Variants in FOXP2 observed in about 807,000 individuals in gnomAD.
FOXP2 encodes the protein forkhead box protein P2.
FOXP2 carries 12 observed loss-of-function variants against 115.8 expected under a neutral mutation model. The ratio of observed to expected loss-of-function variants is 0.10; its 90% CI spans 0.07 to 0.17. FOXP2 has a LOEUF of 0.17. FOXP2 is among the 10% of genes least tolerant of loss of function. FOXP2 has a pLI of 1.00. For synonymous variants in FOXP2, 328 were observed against 297.7 expected (o/e 1.10, Z -1.05); for missense variants, 629 against 843.5 (o/e 0.75, Z 3.15).
upstream of FOXP2, among the ~76,000 whole-genome samples, chr7:114,412,185 A>G (rs147850456): frequency 2.4e-3 from 367 of 152,252 alleles, 1 homozygote; most frequent in African/African-American, 8.5e-3. Context: ...TAAAATTACT[A>G]TGATTATTTT....
At chr7:114,263,594 C>CACAGTG (rs1795816302) in intron 1 of FOXP2, among the ~76,000 whole-genome samples, 4 of 151,746 alleles carry the variant, frequency 2.6e-5, no homozygotes, top group Admixed American at 2.6e-4. Context: ...GCTGGGATTA[C>CACAGTG]AGGCGTGAGC....
intron 1 of FOXP2, among the ~76,000 whole-genome samples, chr7:114,418,728 C>T (rs910131020): frequency 3.3e-5 from 5 of 150,598 alleles, no homozygotes; most frequent in African/African-American, 7.3e-5. Flanking sequence ...GAGAACCTGT[C>T]GATCGCAAAG....
intron 2 of FOXP2, among the ~76,000 whole-genome samples, chr7:114,482,720 A>G (rs1229923388): frequency 6.6e-6 from 1 of 151,588 alleles, no homozygotes; most frequent in African/African-American, 2.4e-5. Context: ...CTCAATTTGG[A>G]ACATAAGCTT....
At chr7:114,187,583 A>G (rs1793645239) in intron 1 of FOXP2, among the ~76,000 whole-genome samples, 1 of 152,166 alleles carries the variant, frequency 6.6e-6, no homozygotes, top group Admixed American at 6.6e-5. Context: ...ATTGCCCTTA[A>G]TGCTTTATTC....
At chr7:114,114,217 A>G (rs1286609525) in intron 1 of FOXP2, among the ~76,000 whole-genome samples, 5 of 151,336 alleles carry the variant, frequency 3.3e-5, no homozygotes, top group Non-Finnish European at 5.9e-5. Context: ...GTCCATTTTG[A>G]AAAAGAAGAA....
At chr7:114,538,768 C>T (rs1562985152) in intron 3 of FOXP2, among the ~76,000 whole-genome samples, 1 of 151,614 alleles carries the variant, frequency 6.6e-6, no homozygotes, top group Non-Finnish European at 1.5e-5. Flanking sequence ...TGGATATTAG[C>T]TTATGAAGTA....
intron 3 of FOXP2, among the ~76,000 whole-genome samples, chr7:114,598,304 A>G (rs1802833714): frequency 6.6e-6 from 1 of 151,990 alleles, no homozygotes; most frequent in South Asian, 2.1e-4. Context: ...AGATATGTCT[A>G]TAGGTGAGGA....
At chr7:114,471,490 T>G (rs1477255673) in intron 2 of FOXP2, among the ~76,000 whole-genome samples, 1 of 152,198 alleles carries the variant, frequency 6.6e-6, no homozygotes, top group Non-Finnish European at 1.5e-5. Flanking sequence ...TTTCTTAACT[T>G]ACACTATTTT....
Position 114,658,232 on chromosome 7 carries a change from G to A in FOXP2, c.1433G>A (p.Arg478Gln), listed in dbSNP as rs1806693515. The A allele has an allele frequency of 3.1e-6, 5 of 1,613,752 alleles. No individual in the cohort carries two copies. The highest frequency in any genetic ancestry group is 1.3e-5 in the African/African-American group (1 of 74,990). Residue 478 changes from arginine (R) to glutamine (Q), a missense_variant, in exon 11 of 17, where the codon CGA becomes CAA. Physicochemically the swap from Arg to Gln is conservative, Grantham distance 43. Transcript: ENST00000350908. ...CCCAATGTGGGAGCCATACGAAGGC[G>A]ACATTCAGACAAATACAACATTCCC... ...SVPNVGAIRR[R>Q]HSDKYNIPMS...
intron 2 of FOXP2, among the ~76,000 whole-genome samples, chr7:114,373,500 C>T (rs576978859): frequency 1.3e-5 from 2 of 152,328 alleles, no homozygotes; most frequent in South Asian, 4.1e-4. Flanking sequence ...CTCTTTCTGT[C>T]ATTGCCTCCC....
In FOXP2 at chr7:114,587,879, A is replaced by ATATATATATATATATATATAT; in HGVS notation, c.259-40661_259-40660insTATATATATATATATATATAT. The stretch of plus-strand genomic sequence containing the variant: ...CTAATTGGGTGAATAAGAGATAATT[A>ATATATATATATATATATATAT]AATCCACCTTTCTTAGTGCCTTATT... On this transcript the variant is annotated intron_variant, in intron 3 of 16. Coordinates refer to ENST00000350908, the MANE Select transcript of FOXP2 (RefSeq NM_014491.4). Among the ~76,000 whole-genome samples, 64 of 76,550 alleles carry ATATATATATATATATATATAT rather than the reference A, an allele frequency of 8.4e-4. 3 individuals are homozygous for ATATATATATATATATATATAT. The highest frequency in any genetic ancestry group is 1.3e-3 in the Non-Finnish European group (45 of 33,662). 50.2% of individuals were successfully genotyped at this position (76,550 alleles called of 152,430 possible).
intron 2 of FOXP2, among the ~76,000 whole-genome samples, chr7:114,346,369 G>T (rs1791348187): frequency 6.6e-6 from 1 of 151,650 alleles, no homozygotes; most frequent in Non-Finnish European, 1.5e-5. Flanking sequence ...TGGATGAATG[G>T]ATAAAATAAA....
At chr7:114,527,075 T>A (rs1798917284) in intron 2 of FOXP2, among the ~76,000 whole-genome samples, 1 of 151,934 alleles carries the variant, frequency 6.6e-6, no homozygotes, top group Non-Finnish European at 1.5e-5. Flanking sequence ...TGATTTTTGT[T>A]ACTGACTTTT....
intron 2 of FOXP2, among the ~76,000 whole-genome samples, chr7:114,314,432 G>C (rs2129180530): frequency 6.6e-6 from 1 of 152,142 alleles, no homozygotes; most frequent in South Asian, 2.1e-4. Flanking sequence ...AGACAGCATG[G>C]GTAGTGTATG....
chr7:114,241,746 A>ATT (rs34087660), intron 1 of FOXP2, among the ~76,000 whole-genome samples: 1,696 of 148,958 alleles, frequency 0.011, 34 homozygotes, highest in African/African-American at 0.037. Flanking sequence ...GAAGCCACGT[A>ATT]TTTTTTTTTT....
intron 1 of FOXP2, among the ~76,000 whole-genome samples, chr7:114,139,628 AATCATTATTTAACATCTTTAAC>A (rs1217031343): frequency 1.3e-5 from 2 of 152,182 alleles, no homozygotes; most frequent in Non-Finnish European, 2.9e-5. Flanking sequence ...TAGTCAGAAT[AATCATTATTTAACATCTTTAAC>A]ATCATTATTT....
At chr7:114,393,388 T>C (rs1316853213) in intron 2 of FOXP2, among the ~76,000 whole-genome samples, 1 of 151,998 alleles carries the variant, frequency 6.6e-6, no homozygotes, top group Non-Finnish European at 1.5e-5. Context: ...GGAGCTACAG[T>C]GACCCAGAAC....
chr7:114,251,979 T>C (rs1795457320), intron 1 of FOXP2, among the ~76,000 whole-genome samples: 1 of 152,226 alleles, frequency 6.6e-6, no homozygotes, highest in African/African-American at 2.4e-5. Flanking sequence ...ATACCTAATT[T>C]ATTGAGCGTT....
chr7:114,286,434 A>G (rs1259552841), intron 1 of FOXP2, among the ~76,000 whole-genome samples: 1 of 152,040 alleles, frequency 6.6e-6, no homozygotes, highest in Admixed American at 6.6e-5. Flanking sequence ...ACTGATTTAG[A>G]AAAAGTTGGA....
Sources: gnomAD v4.1 joint callset for allele counts (sites outside exome capture counted in the v4.1 genomes callset) on GRCh38, gnomAD v4.1.1 for gene constraint, MANE v1.5 for transcripts, NCBI Gene and HGNC (gene_info 2026-07-23, HGNC 2026-07-21) for gene names.